The following IRAK3 variants were observed in gnomAD, a reference collection of about 807,000 sequenced individuals.
IRAK3 encodes interleukin-1 receptor-associated kinase 3.
In IRAK3, 57 loss-of-function variants were observed where a neutral mutation model predicts 56.6. The ratio of observed to expected loss-of-function variants is 1.01; its 90% CI spans 0.81 to 1.26. The LOEUF (loss-of-function observed/expected upper bound fraction) is 1.26. IRAK3 is among the 50% of genes most tolerant of loss of function. The probability of loss-of-function intolerance (pLI) is 0.00; values close to 1 mark genes in which losing one functional copy is unlikely to be tolerated. For missense variants in IRAK3, 703 were observed against 719.0 expected, an observed-to-expected ratio of 0.98 and a Z score of 0.25; for synonymous variants, 258 against 255.7, an observed-to-expected ratio of 1.01 and a Z score of -0.09.
intron 8 of IRAK3, among the ~76,000 whole-genome samples, chr12:66,232,395 CT>C (rs1194492303): frequency 9.9e-5 from 15 of 152,186 alleles, no homozygotes; most frequent in Non-Finnish European, 2.2e-4. Flanking sequence ...AACTTTTGGC[CT>C]TTCTGCTGAG....
chr12:66,206,008 AT>A (rs1231066456), intron 2 of IRAK3, among the ~76,000 whole-genome samples: 1 of 152,142 alleles, frequency 6.6e-6, no homozygotes, highest in Non-Finnish European at 1.5e-5. Flanking sequence ...CACATTTTGT[AT>A]TTATAATTCA....
At chr12:66,239,226 G>A (rs890641867) in intron 8 of IRAK3, among the ~76,000 whole-genome samples, 1 of 151,138 alleles carries the variant, frequency 6.6e-6, no homozygotes, top group African/African-American at 2.4e-5. Context: ...CTCCTGCCAA[G>A]TGAAACAGTC....
rs750666056 is a variant in IRAK3, at chr12:66,236,566, T to TA, written c.888-7908dup. ...CTGGGCGATAGAACAAGACTCCGTCTAAAAAAAAAAAAGGAAAAGAAAAAG... is the reference window on the plus strand; with the variant it reads ...CTGGGCGATAGAACAAGACTCCGTCTAAAAAAAAAAAAAGGAAAAGAAAAAG... On this transcript the variant is annotated intron_variant, in intron 8 of 11. Coordinates refer to ENST00000261233, the MANE Select transcript of IRAK3 (RefSeq NM_007199.3). Among the ~76,000 whole-genome samples the TA allele has an allele frequency of 6.5e-4, 92 of 141,078 alleles. 1 individual carries two copies. Among genetic ancestry groups the TA allele is most frequent in the East Asian group, 2.0e-3 (10 of 4,890 alleles). 92.6% of individuals were successfully genotyped at this position (141,078 alleles called of 152,430 possible).
intron 2 of IRAK3, among the ~76,000 whole-genome samples, chr12:66,206,174 C>T (rs1210297697): frequency 6.6e-6 from 1 of 152,132 alleles, no homozygotes; most frequent in Non-Finnish European, 1.5e-5. Flanking sequence ...TTTTAGTGCC[C>T]ATACAGCCCC....
In IRAK3 at chr12:66,234,067, TCA is replaced by T. The variant is rs1381043270; in HGVS notation, c.887+5700_887+5701del. ...ATGTAAGAACACCTTTCTGTACATC[TCA>T]CAGTTACTTATTAGGTTGAAAGGTA... On this transcript the variant is annotated intron_variant, in intron 8 of 11. Transcript: ENST00000261233. 3.0e-5 allele frequency: 49 copies of T among 1,613,928 alleles called. No individual in the cohort carries two copies. In the African/African-American group the frequency reaches 5.1e-4, roughly 17 times the overall value.
chr12:66,238,659 C>T (rs1163034961), intron 8 of IRAK3, among the ~76,000 whole-genome samples: 2 of 152,094 alleles, frequency 1.3e-5, no homozygotes, highest in East Asian at 1.9e-4. Flanking sequence ...AAGAGGAGAT[C>T]GGGCCTGGAA....
intron 1 of IRAK3, among the ~76,000 whole-genome samples, chr12:66,193,675 C>T (rs1403885624): frequency 1.3e-5 from 2 of 152,142 alleles, no homozygotes; most frequent in East Asian, 3.9e-4. Context: ...GTAGACTGTT[C>T]CTCAACTGCG....
At chr12:66,220,400 A>T (rs2052718423) in intron 6 of IRAK3, among the ~76,000 whole-genome samples, 1 of 143,596 alleles carries the variant, frequency 7.0e-6, no homozygotes. Flanking sequence ...TTTAAATTCT[A>T]TTCCATTGGT....
rs181838533 is a variant in IRAK3, at chr12:66,199,613, G to A, written c.134-4098G>A. Among the ~76,000 whole-genome samples, 45 of 152,272 alleles carry A rather than the reference G, an allele frequency of 3.0e-4. No individual in the cohort carries two copies. The East Asian group carries it at 6.6e-3, about 22-fold the overall frequency. ...ACCCCTCCAGAAAGCCTTCCCTGCTGTTCTCATCTTTAGTTAGAGGCCTGT... is the reference window on the plus strand; with the variant it reads ...ACCCCTCCAGAAAGCCTTCCCTGCTATTCTCATCTTTAGTTAGAGGCCTGT... On this transcript the variant is annotated intron_variant, in intron 1 of 11. Coordinates refer to ENST00000261233, the MANE Select transcript of IRAK3 (RefSeq NM_007199.3).
At chr12:66,226,970 G>A (rs2052793399) in intron 7 of IRAK3, 133 bp downstream of exon 7, 1 of 698,260 alleles carries the variant, frequency 1.4e-6, no homozygotes, top group African/African-American at 1.8e-5. Context: ...GTTTCCCAAG[G>A]AAGCAGTACT....
chr12:66,216,232 G>A (rs1482032021), intron 5 of IRAK3, among the ~76,000 whole-genome samples: 1 of 152,174 alleles, frequency 6.6e-6, no homozygotes, highest in Non-Finnish European at 1.5e-5. Flanking sequence ...CACAAATAGC[G>A]AGTGTTAGAG....
intron 1 of IRAK3, among the ~76,000 whole-genome samples, chr12:66,198,822 C>G (rs1462190817): frequency 6.7e-6 from 1 of 148,762 alleles, no homozygotes; most frequent in Non-Finnish European, 1.5e-5. Flanking sequence ...GTGGTGCAAT[C>G]TTGGCTCACT....
intron 8 of IRAK3, among the ~76,000 whole-genome samples, chr12:66,230,216 T>C (rs2052829698): frequency 6.6e-6 from 1 of 152,222 alleles, no homozygotes; most frequent in African/African-American, 2.4e-5. Context: ...AGCACAGGCT[T>C]TGGGCCCTCA....
intron 8 of IRAK3, among the ~76,000 whole-genome samples, chr12:66,242,953 C>T (rs1258498373): frequency 6.6e-6 from 1 of 152,004 alleles, no homozygotes; most frequent in Non-Finnish European, 1.5e-5. Flanking sequence ...GTAATCCCAG[C>T]TACTCAGGAG....
At chr12:66,239,155 T>C (rs1038157124) in intron 8 of IRAK3, among the ~76,000 whole-genome samples, 8 of 152,224 alleles carry the variant, frequency 5.3e-5, no homozygotes, top group African/African-American at 1.2e-4. Flanking sequence ...AGAGATAATC[T>C]TGGTGAACAT....
At chr12:66,204,825 A>T (rs1430443727) in intron 2 of IRAK3, among the ~76,000 whole-genome samples, 1 of 150,136 alleles carries the variant, frequency 6.7e-6, no homozygotes, top group African/African-American at 2.4e-5. Context: ...CACACAAGGA[A>T]TCCTGAGAGA....
chr12:66,220,345 A>G (rs914712074), intron 6 of IRAK3, among the ~76,000 whole-genome samples: 1 of 151,472 alleles, frequency 6.6e-6, no homozygotes, highest in African/African-American at 2.4e-5. Context: ...CTTTTCAAAG[A>G]TTAGTTGATG....
intron 7 of IRAK3, 126 bp from the exon 8 acceptor site, chr12:66,228,126 A>G (rs1169562915): frequency 2.0e-5 from 16 of 795,602 alleles, no homozygotes; most frequent in South Asian, 1.7e-4. Flanking sequence ...GAAAACCAAA[A>G]CGTTGATTCA....
chr12:66,244,121 T>C (rs1452567037), intron 8 of IRAK3, among the ~76,000 whole-genome samples: 1 of 152,234 alleles, frequency 6.6e-6, no homozygotes, highest in African/African-American at 2.4e-5. Context: ...CATAATCAGC[T>C]GATTAAAACT....
Sources: gnomAD v4.1 joint callset for allele counts (sites outside exome capture counted in the v4.1 genomes callset) on GRCh38, gnomAD v4.1.1 for gene constraint, MANE v1.5 for transcripts, NCBI Gene and HGNC (gene_info 2026-07-23, HGNC 2026-07-21) for gene names.